ASPRV1: variants seen among roughly 807,000 people sequenced by gnomAD.
ASPRV1 encodes the protein aspartic peptidase retroviral like 1.
Under a neutral mutation model 11.0 loss-of-function variants are expected in ASPRV1, and 7 were observed. The ratio of observed to expected loss-of-function variants is 0.64; its 90% CI spans 0.36 to 1.20. The LOEUF (loss-of-function observed/expected upper bound fraction) is 1.20, where lower values mean the gene tolerates loss of function less well. Ranked by LOEUF, ASPRV1 falls within the 50% of genes most tolerant of loss-of-function variation. ASPRV1 has a pLI of 0.02. For synonymous variants in ASPRV1, 136 were observed against 138.4 expected, an observed-to-expected ratio of 0.98 and a Z score of 0.12; for missense variants, 299 against 320.0, an observed-to-expected ratio of 0.93 and a Z score of 0.50.
the ASPRV1 span, chr2:70,049,621 T>A: frequency 4.6e-5 from 7 of 152,336 alleles, no homozygotes; most frequent in East Asian, 7.7e-4. Context: ...CAACATAGAC[T>A]TTATCATTCC....
At chr2:70,079,289 A>T in the ASPRV1 span, among the ~76,000 whole-genome samples, 1 of 151,808 alleles carries the variant, frequency 6.6e-6, no homozygotes, top group Non-Finnish European at 1.5e-5. Context: ...CCTCAGCAAC[A>T]TTGTGAGACC....
At chr2:69,991,975 C>A in the ASPRV1 span, among the ~76,000 whole-genome samples, 1 of 152,212 alleles carries the variant, frequency 6.6e-6, no homozygotes, top group Non-Finnish European at 1.5e-5. Context: ...GCTTTGGGGG[C>A]TCTGGCCAAC....
chr2:69,981,513 C>G, the ASPRV1 span, among the ~76,000 whole-genome samples: 9 of 152,160 alleles, frequency 5.9e-5, no homozygotes, highest in Non-Finnish European at 1.2e-4. Context: ...AATTTTTACA[C>G]AAAGAAATAT....
At chr2:69,938,674 T>G in the ASPRV1 span, 1 of 163,120 alleles carries the variant, frequency 6.1e-6, no homozygotes, top group Non-Finnish European at 1.3e-5. Context: ...CAAGTGTGTC[T>G]TGTACTTAGG....
At chr2:70,060,859 T>C in the ASPRV1 span, among the ~76,000 whole-genome samples, 2 of 152,156 alleles carry the variant, frequency 1.3e-5, no homozygotes, top group Non-Finnish European at 2.9e-5. Flanking sequence ...ACAACACAGA[T>C]ACTAACATGA....
chr2:69,964,355 G>A, upstream of ASPRV1: 2 of 455,932 alleles, frequency 4.4e-6, no homozygotes, highest in Middle Eastern at 3.3e-4. Context: ...AACACGCAGG[G>A]GCCTCATGGT....
the ASPRV1 span, among the ~76,000 whole-genome samples, chr2:70,023,131 C>T: frequency 6.6e-6 from 1 of 152,194 alleles, no homozygotes; most frequent in East Asian, 1.9e-4. Flanking sequence ...CCTTTAAGGG[C>T]AGGGCCTGAT....
the ASPRV1 span, among the ~76,000 whole-genome samples, chr2:70,033,134 A>G: frequency 1.3e-5 from 2 of 152,108 alleles, no homozygotes; most frequent in Non-Finnish European, 2.9e-5. Context: ...TGCTCTTCAT[A>G]GTCCCTTTGG....
At chr2:70,015,259 C>T in the ASPRV1 span, among the ~76,000 whole-genome samples, 1 of 152,168 alleles carries the variant, frequency 6.6e-6, no homozygotes, top group Non-Finnish European at 1.5e-5. Flanking sequence ...ATACTTAAAA[C>T]AGACTAAGTA....
chr2:69,957,480 G>A (rs1446257581), downstream of ASPRV1, among the ~76,000 whole-genome samples: 2 of 151,040 alleles, frequency 1.3e-5, no homozygotes, highest in African/African-American at 4.9e-5. Flanking sequence ...TGGGGAACTG[G>A]CATGCATTCA....
chr2:70,074,023 A>G, the ASPRV1 span, among the ~76,000 whole-genome samples: 1 of 148,028 alleles, frequency 6.8e-6, no homozygotes, highest in African/African-American at 2.5e-5. Flanking sequence ...AGTCCCAGCT[A>G]CTCGGGAGGG....
At chr2:70,051,535 G>C in the ASPRV1 span, among the ~76,000 whole-genome samples, 3 of 152,178 alleles carry the variant, frequency 2.0e-5, no homozygotes, top group Admixed American at 6.5e-5. Context: ...GTTTATCATA[G>C]AATGCTCACA....
chr2:69,956,121 A>G (rs1168694851), downstream of ASPRV1, among the ~76,000 whole-genome samples: 3 of 152,248 alleles, frequency 2.0e-5, no homozygotes, highest in Non-Finnish European at 2.9e-5. Flanking sequence ...CCAAGGAGAC[A>G]GGAGCCAGTT....
the ASPRV1 span, among the ~76,000 whole-genome samples, chr2:69,999,155 GCTAGTCA>G: frequency 1.8e-4 from 28 of 152,236 alleles, no homozygotes; most frequent in African/African-American, 6.7e-4. Context: ...GAGTGCAGTG[GCTAGTCA>G]CAGGTGCAAT....
chr2:70,071,170 G>T, the ASPRV1 span, among the ~76,000 whole-genome samples: 1 of 152,172 alleles, frequency 6.6e-6, no homozygotes, highest in Non-Finnish European at 1.5e-5. Context: ...CAATTGTAAA[G>T]ACTTAGCTCA....
the ASPRV1 span, among the ~76,000 whole-genome samples, chr2:70,047,868 T>G: frequency 1.1e-4 from 17 of 152,030 alleles, no homozygotes; most frequent in Admixed American, 1.1e-3. Context: ...CCCAGCACTT[T>G]GGGAGGCTAA....
chr2:69,935,244 C>T, the ASPRV1 span: 4 of 738,672 alleles, frequency 5.4e-6, no homozygotes, highest in Non-Finnish European at 9.6e-6. Flanking sequence ...TAGCATTTGC[C>T]ATCGCAAGGC....
the ASPRV1 span, chr2:69,936,928 G>A: frequency 1.9e-5 from 10 of 519,000 alleles, no homozygotes; most frequent in South Asian, 1.5e-4. Context: ...GATCAGGTTG[G>A]GGACTGCTGC....
At chr2:70,039,871 T>C in the ASPRV1 span, among the ~76,000 whole-genome samples, 1 of 152,176 alleles carries the variant, frequency 6.6e-6, no homozygotes, top group African/African-American at 2.4e-5. Context: ...CCGGAGACTA[T>C]TAAATTCCCA....
Sources: gnomAD v4.1 joint callset for allele counts (sites outside exome capture counted in the v4.1 genomes callset) on GRCh38, gnomAD v4.1.1 for gene constraint, MANE v1.5 for transcripts, NCBI Gene and HGNC (gene_info 2026-07-23, HGNC 2026-07-21) for gene names.